Variants in EPM2A observed in about 807,000 individuals in gnomAD.
The protein encoded by EPM2A is laforin.
In EPM2A, 21 loss-of-function variants were observed where a neutral mutation model predicts 26.5. The observed-to-expected ratio is 0.79, with a 90% confidence interval of 0.56 to 1.14. EPM2A has a LOEUF of 1.14. EPM2A is among the 50% of genes most tolerant of loss of function. The pLI, the probability that EPM2A is intolerant of heterozygous loss-of-function variation, is 0.00. For synonymous variants in EPM2A, 217 were observed against 177.6 expected (o/e 1.22, Z -1.76); for missense variants, 458 against 440.8 (o/e 1.04, Z -0.35).
chr6:145,730,649 G>A (rs1270033068), intron 1 of EPM2A, among the ~76,000 whole-genome samples: 1 of 152,198 alleles, frequency 6.6e-6, no homozygotes, highest in African/African-American at 2.4e-5. Context: ...GCTTCTTTCA[G>A]TTTGGTTACA....
chr6:145,590,351 A>G (rs771786037), intron 2 of EPM2A, among the ~76,000 whole-genome samples: 3 of 152,022 alleles, frequency 2.0e-5, no homozygotes, highest in Non-Finnish European at 2.9e-5. Flanking sequence ...ATTTTACCAG[A>G]GCCTAATACA....
chr6:145,660,695 G>C (rs894530690), intron 2 of EPM2A, among the ~76,000 whole-genome samples: 3 of 152,086 alleles, frequency 2.0e-5, no homozygotes, highest in Non-Finnish European at 4.4e-5. Context: ...CCAGCTACTC[G>C]AGAGGCTGAA....
intron 2 of EPM2A, among the ~76,000 whole-genome samples, chr6:145,552,962 C>T (rs1342775259): frequency 6.6e-6 from 1 of 152,018 alleles, no homozygotes; most frequent in African/African-American, 2.4e-5. Flanking sequence ...ACTTAAAATA[C>T]TTTACATCTG....
At chr6:145,480,371 T>A (rs1366911575) in intron 4 of EPM2A, among the ~76,000 whole-genome samples, 1 of 151,888 alleles carries the variant, frequency 6.6e-6, no homozygotes, top group African/African-American at 2.4e-5. Flanking sequence ...GAATTAACTA[T>A]CACAAGAACG....
At chr6:145,489,808 T>A in intron 4 of EPM2A, 1 of 1,432,668 alleles carries the variant, frequency 7.0e-7, no homozygotes, top group East Asian at 2.3e-5. Context: ...GGTCACGTGG[T>A]CCAAGTCTGC....
chr6:145,429,479 AAAT>A (rs1435411928), intron 4 of EPM2A, among the ~76,000 whole-genome samples: 1 of 152,132 alleles, frequency 6.6e-6, no homozygotes, highest in East Asian at 1.9e-4. Flanking sequence ...CAATGTTCTG[AAAT>A]AATTAAAAAA....
intron 4 of EPM2A, among the ~76,000 whole-genome samples, chr6:145,475,940 A>G (rs912908159): frequency 2.6e-5 from 4 of 152,238 alleles, no homozygotes; most frequent in South Asian, 2.1e-4. Flanking sequence ...CAATAATAAT[A>G]TTAAATGTAA....
rs369251961 is a variant in EPM2A, at chr6:145,734,490, T to C, written c.301+708A>G. On this transcript the variant is annotated intron_variant, in intron 1 of 3. Transcript: ENST00000367519. Reference sequence around the variant, plus strand: ...ATTTTACAACCAGCATGTATTGTTTTAGTATTTTAAGAAATCAGGTCATGT... The same window carrying C: ...ATTTTACAACCAGCATGTATTGTTTCAGTATTTTAAGAAATCAGGTCATGT... The C allele has an allele frequency of 3.3e-5, 5 of 152,320 alleles. 1 individual carries two copies. In the East Asian group the frequency reaches 9.6e-4, roughly 29 times the overall value. The allele number at this position is 152,320 out of a possible 1,614,324, so 9.4% of individuals were successfully genotyped here. A position where few individuals can be genotyped will look rare whatever the true frequency, so the allele number is the denominator to read the frequency against.
intron 4 of EPM2A, among the ~76,000 whole-genome samples, chr6:145,398,692 T>G (rs1778440546): frequency 6.6e-6 from 1 of 152,008 alleles, no homozygotes; most frequent in Admixed American, 6.6e-5. Context: ...AAACCCCATC[T>G]CTACCAAAAA....
At chr6:145,521,856 A>G (rs953517961) in intron 2 of EPM2A, among the ~76,000 whole-genome samples, 8 of 152,226 alleles carry the variant, frequency 5.3e-5, no homozygotes, top group African/African-American at 1.9e-4. Flanking sequence ...TGTGTGACTA[A>G]TGAGGTTTGT....
At chr6:145,717,606 A>G (rs564374515) in intron 1 of EPM2A, among the ~76,000 whole-genome samples, 53 of 152,308 alleles carry the variant, frequency 3.5e-4, no homozygotes, top group African/African-American at 1.3e-3. Flanking sequence ...TAGTGTTGGA[A>G]GTTCTGGCCA....
chr6:145,453,856 TA>T (rs534757466), intron 4 of EPM2A, among the ~76,000 whole-genome samples: 26 of 152,282 alleles, frequency 1.7e-4, no homozygotes, highest in African/African-American at 6.3e-4. Context: ...TTTGAGGGAG[TA>T]TTGTGTTCTC....
chr6:145,616,090 C>G (rs1224399729), intron 2 of EPM2A, among the ~76,000 whole-genome samples: 1 of 152,230 alleles, frequency 6.6e-6, no homozygotes, highest in African/African-American at 2.4e-5. Context: ...CAGGGCATGT[C>G]AGGTCTTCAC....
chr6:145,659,532 G>C (rs1434017635), intron 2 of EPM2A, among the ~76,000 whole-genome samples: 1 of 151,932 alleles, frequency 6.6e-6, no homozygotes, highest in Non-Finnish European at 1.5e-5. Flanking sequence ...AAAAATAATT[G>C]TTCCTTAAAA....
intron 4 of EPM2A, among the ~76,000 whole-genome samples, chr6:145,412,463 G>T (rs543832060): frequency 1.3e-4 from 20 of 152,110 alleles, no homozygotes; most frequent in Non-Finnish European, 1.9e-4. Context: ...ACTCCATGGG[G>T]GACAAATAAG....
At chr6:145,546,887 G>A (rs1780589528) in intron 2 of EPM2A, among the ~76,000 whole-genome samples, 1 of 151,986 alleles carries the variant, frequency 6.6e-6, no homozygotes, top group South Asian at 2.1e-4. Flanking sequence ...TTAGAATTTG[G>A]AGCCCTGTGT....
intron 2 of EPM2A, among the ~76,000 whole-genome samples, chr6:145,534,125 G>A (rs1180291498): frequency 1.3e-5 from 2 of 152,102 alleles, no homozygotes; most frequent in East Asian, 3.8e-4. Context: ...TCGGTGAAAG[G>A]AGTGGTAATG....
At chr6:145,422,076 TAG>T (rs61310193) in intron 4 of EPM2A, among the ~76,000 whole-genome samples, 2,710 of 138,626 alleles carry the variant, frequency 0.02, 74 homozygotes, top group African/African-American at 0.062. Flanking sequence ...TATATATATA[TAG>T]AGAGAGAGAG....
intron 2 of EPM2A, among the ~76,000 whole-genome samples, chr6:145,683,193 C>T (rs1780663053): frequency 6.6e-6 from 1 of 150,820 alleles, no homozygotes; most frequent in South Asian, 2.1e-4. Flanking sequence ...TATTCCTTTT[C>T]TATTCTAAAC....
Sources: gnomAD v4.1 joint callset for allele counts (sites outside exome capture counted in the v4.1 genomes callset) on GRCh38, gnomAD v4.1.1 for gene constraint, MANE v1.5 for transcripts, NCBI Gene and HGNC (gene_info 2026-07-23, HGNC 2026-07-21) for gene names.